The following MCC variants were observed in gnomAD, a reference collection of about 807,000 sequenced individuals.
MCC encodes the protein MCC regulator of Wnt signaling pathway.
MCC carries 90 observed loss-of-function variants against 116.2 expected under a neutral mutation model. That is an observed-to-expected ratio of 0.77 (90% CI 0.65 to 0.92). The LOEUF (loss-of-function observed/expected upper bound fraction) is 0.92, where lower values mean the gene tolerates loss of function less well. Among genes scored for constraint, MCC ranks in the 40% least tolerant of loss-of-function variants. The pLI is 0.00. For synonymous variants in MCC, 578 were observed against 510.5 expected, an observed-to-expected ratio of 1.13 and a Z score of -1.78; for missense variants, 1,516 against 1,312.2, an observed-to-expected ratio of 1.16 and a Z score of -2.40.
intron 8 of MCC, chr5:113,101,452 G>T (rs979964156): frequency 7.7e-6 from 3 of 388,478 alleles, no homozygotes; most frequent in Non-Finnish European, 1.4e-5. Context: ...GCTTAGAAAA[G>T]ATGTGCTTAC....
At chr5:113,200,945 G>A (rs1172300792) in intron 3 of MCC, among the ~76,000 whole-genome samples, 1 of 152,202 alleles carries the variant, frequency 6.6e-6, no homozygotes, top group East Asian at 1.9e-4. Context: ...AGTAGATAAA[G>A]GGTTAACATT....
At chr5:113,179,958 T>A (rs1316649858) in intron 3 of MCC, among the ~76,000 whole-genome samples, 2 of 152,150 alleles carry the variant, frequency 1.3e-5, no homozygotes, top group Admixed American at 6.5e-5. Flanking sequence ...CATACCTACA[T>A]CTTGGTTCTG....
At chr5:113,302,955 A>T (rs1766899392) in intron 3 of MCC, among the ~76,000 whole-genome samples, 1 of 152,190 alleles carries the variant, frequency 6.6e-6, no homozygotes, top group South Asian at 2.1e-4. Context: ...ATGGTAAGAA[A>T]TGGACTTGAG....
chr5:113,143,148 G>C, intron 5 of MCC, 70 bp downstream of exon 5: 6 of 1,483,492 alleles, frequency 4.0e-6, no homozygotes, highest in Admixed American at 2.4e-5. Flanking sequence ...AAAATAGTTG[G>C]GGCTACTTCA....
intron 13 of MCC, 53 bp from the exon 14 acceptor site, chr5:113,064,220 G>A (rs1408267147): frequency 1.5e-5 from 22 of 1,499,710 alleles, no homozygotes; most frequent in African/African-American, 1.2e-4. Context: ...GACAAGGCAC[G>A]CCTGGGAGGG....
At chr5:113,249,348 G>A (rs957547369) in intron 3 of MCC, among the ~76,000 whole-genome samples, 1 of 152,248 alleles carries the variant, frequency 6.6e-6, no homozygotes, top group East Asian at 1.9e-4. Flanking sequence ...GTCAGCAGAG[G>A]GATGAGGACA....
At chr5:113,440,983 G>T (rs577458585) in intron 1 of MCC, among the ~76,000 whole-genome samples, 17 of 152,158 alleles carry the variant, frequency 1.1e-4, no homozygotes, top group Non-Finnish European at 1.9e-4. Context: ...CTGTGTATTT[G>T]CAGATTAGGT....
intron 6 of MCC, among the ~76,000 whole-genome samples, chr5:113,115,836 G>A (rs1337431068): frequency 2.0e-5 from 3 of 152,178 alleles, no homozygotes; most frequent in Non-Finnish European, 4.4e-5. Flanking sequence ...TGAAGAGGAT[G>A]AGAGGAAATC....
At position 113,143,224 on chromosome 5, in the gene MCC, G is replaced by A. The variant is rs146647416; in HGVS notation, c.878C>T (p.Thr293Ile). Residue 293 changes from threonine (T) to isoleucine (I), a missense_variant, in exon 5 of 19, where the codon ACC becomes ATC. Physicochemically the swap from Thr to Ile is moderately conservative, Grantham distance 89. Coordinates refer to ENST00000408903, the MANE Select transcript of MCC (RefSeq NM_001085377.2). ...GCCGAATGGAGCCGCGTACCTGATG[G>A]TGGTGCCTTGCAGACGGTCTATCTT... ...NKKIDRLQGT[T>I]IREEDEYSEL... is the part of the protein sequence containing the mutation. 2 of 1,603,394 alleles carry A rather than the reference G, an allele frequency of 1.2e-6. No homozygotes were observed. The highest frequency in any genetic ancestry group is 1.7e-6 in the Non-Finnish European group (2 of 1,175,700).
chr5:113,209,869 C>T lies in MCC; in HGVS notation c.628-58447G>A, dbSNP rs144774496. Among the ~76,000 whole-genome samples the T allele has an allele frequency of 9.0e-3, 1,362 of 151,544 alleles. 24 individuals carry two copies. The highest frequency in any genetic ancestry group is 0.031 in the African/African-American group (1,271 of 41,366). On this transcript the variant is annotated intron_variant, in intron 3 of 18. Transcript: ENST00000408903. ...ACCAGAACAAACAAACAAACAAAAG[C>T]AAAACAAAAAGGGGGGAAAGAAATT...
chr5:113,349,917 A>G (rs1164834980), intron 2 of MCC, among the ~76,000 whole-genome samples: 1 of 152,140 alleles, frequency 6.6e-6, no homozygotes, highest in African/African-American at 2.4e-5. Context: ...CTGAATAAAA[A>G]TTTAAAAAGT....
intron 2 of MCC, among the ~76,000 whole-genome samples, chr5:113,359,056 T>C (rs1768481322): frequency 6.6e-6 from 1 of 152,180 alleles, no homozygotes; most frequent in South Asian, 2.1e-4. Context: ...AAAGGACATG[T>C]CTACTAAGGG....
At chr5:113,487,957 A>G (rs1772587413) in intron 1 of MCC, among the ~76,000 whole-genome samples, 1 of 151,986 alleles carries the variant, frequency 6.6e-6, no homozygotes, top group African/African-American at 2.4e-5. Context: ...AGGGAAGAAC[A>G]CTCCAAGCCC....
chr5:113,072,513 C>T (rs1754109753), intron 11 of MCC, among the ~76,000 whole-genome samples: 1 of 152,220 alleles, frequency 6.6e-6, no homozygotes, highest in Non-Finnish European at 1.5e-5. Context: ...CCAAGCCCAT[C>T]TCAGGGCCCT....
At chr5:113,131,118 A>C (rs147381200) in intron 5 of MCC, among the ~76,000 whole-genome samples, 3 of 152,222 alleles carry the variant, frequency 2.0e-5, no homozygotes, top group African/African-American at 7.2e-5. Context: ...AGCAAAGGGG[A>C]GATGAAGCAG....
intron 6 of MCC, among the ~76,000 whole-genome samples, chr5:113,106,037 T>C (rs1212597789): frequency 6.6e-6 from 1 of 152,198 alleles, no homozygotes; most frequent in Non-Finnish European, 1.5e-5. Flanking sequence ...TTTAGGTTCC[T>C]CAGGTAATTC....
rs538729094 is a variant in MCC, at chr5:113,319,030, G to C, written c.627+21489C>G. The stretch of plus-strand genomic sequence containing the variant: ...TACAAGACACACGCCACCACATCTG[G>C]ATAATTTCTTATACATTTTATAGAG... On this transcript the variant is annotated intron_variant, in intron 3 of 18. Coordinates refer to ENST00000408903, the MANE Select transcript of MCC (RefSeq NM_001085377.2). Among the ~76,000 whole-genome samples, 115 of 152,034 alleles carry C rather than the reference G, an allele frequency of 7.6e-4. 1 individual carries two copies. In the Middle Eastern group the frequency reaches 0.014, roughly 18 times the overall value.
chr5:113,150,748 G>C (rs923353627), intron 4 of MCC, among the ~76,000 whole-genome samples: 1 of 151,980 alleles, frequency 6.6e-6, no homozygotes, highest in Non-Finnish European at 1.5e-5. Context: ...CAAAGCAAAG[G>C]AAGAAAATTA....
chr5:113,183,536 GTTTTGGTTCC>G (rs1761733760), intron 3 of MCC, among the ~76,000 whole-genome samples: 1 of 152,100 alleles, frequency 6.6e-6, no homozygotes, highest in South Asian at 2.1e-4. Context: ...CCTCCCAAGG[GTTTTGGTTCC>G]AAATAAGCCT....
Sources: allele counts gnomAD v4.1 joint callset (sites outside exome capture counted in the v4.1 genomes callset), GRCh38; gene constraint gnomAD v4.1.1; transcripts MANE v1.5; gene names NCBI Gene and HGNC (gene_info 2026-07-23, HGNC 2026-07-21).